The following ROBO2 variants were observed in gnomAD, a reference collection of about 807,000 sequenced individuals.
ROBO2 encodes the protein roundabout guidance receptor 2.
ROBO2 carries 53 observed loss-of-function variants against 160.8 expected under a neutral mutation model. The ratio of observed to expected loss-of-function variants is 0.33; its 90% CI spans 0.26 to 0.41. ROBO2 has a LOEUF of 0.41. Among genes scored for constraint, ROBO2 ranks in the 10% least tolerant of loss-of-function variants. The probability of loss-of-function intolerance (pLI) is 1.00; values close to 1 mark genes in which losing one functional copy is unlikely to be tolerated. For synonymous variants in ROBO2, 664 were observed against 611.7 expected, an observed-to-expected ratio of 1.09 and a Z score of -1.26; for missense variants, 1,577 against 1,722.4, an observed-to-expected ratio of 0.92 and a Z score of 1.49.
At chr3:77,108,576 A>G (rs1054045843) in intron 2 of ROBO2, among the ~76,000 whole-genome samples, 2 of 152,186 alleles carry the variant, frequency 1.3e-5, no homozygotes, top group African/African-American at 2.4e-5. Flanking sequence ...GCTGGGCTGC[A>G]TATGAGGAGT....
At chr3:77,563,591 A>C (rs1489496028) in intron 11 of ROBO2, among the ~76,000 whole-genome samples, 1 of 152,100 alleles carries the variant, frequency 6.6e-6, no homozygotes, top group African/African-American at 2.4e-5. Context: ...TCCATTCTTT[A>C]CCCAGACCAT....
chr3:76,037,685 C>T (rs1263711431), intron 2 of ROBO2, among the ~76,000 whole-genome samples: 1 of 151,922 alleles, frequency 6.6e-6, no homozygotes, highest in Non-Finnish European at 1.5e-5. Context: ...ATCTGTTCCC[C>T]TGCCCCCTTG....
chr3:76,533,247 G>A (rs921690818), intron 2 of ROBO2, among the ~76,000 whole-genome samples: 2 of 152,194 alleles, frequency 1.3e-5, no homozygotes, highest in East Asian at 1.9e-4. Flanking sequence ...TAAACACAAC[G>A]CCTGTCAGGC....
At chr3:76,189,711 A>T (rs1701921750) in intron 2 of ROBO2, among the ~76,000 whole-genome samples, 2 of 152,142 alleles carry the variant, frequency 1.3e-5, no homozygotes, top group South Asian at 2.1e-4. Flanking sequence ...AGTTATTTTC[A>T]TGAAGTCATT....
At chr3:76,716,944 G>A (rs1352053491) in intron 2 of ROBO2, among the ~76,000 whole-genome samples, 3 of 152,088 alleles carry the variant, frequency 2.0e-5, no homozygotes, top group South Asian at 2.1e-4. Flanking sequence ...AGTTTATTGC[G>A]AGGATGTTAG....
At chr3:76,524,488 AT>A (rs993349767) in intron 2 of ROBO2, among the ~76,000 whole-genome samples, 1 of 151,870 alleles carries the variant, frequency 6.6e-6, no homozygotes, top group African/African-American at 2.4e-5. Context: ...GAGGGCGACA[AT>A]TTTTAAGCAC....
chr3:76,458,325 T>G (rs183549471), intron 2 of ROBO2, among the ~76,000 whole-genome samples: 1 of 152,220 alleles, frequency 6.6e-6, no homozygotes, highest in Non-Finnish European at 1.5e-5. Flanking sequence ...ACGGGCAAAA[T>G]GCTGCCAGTC....
chr3:76,900,422 T>C (rs1194552921), intron 2 of ROBO2, among the ~76,000 whole-genome samples: 3 of 152,150 alleles, frequency 2.0e-5, no homozygotes, highest in Admixed American at 1.3e-4. Flanking sequence ...TCAGATGGTG[T>C]CATGATGTGA....
intron 2 of ROBO2, among the ~76,000 whole-genome samples, chr3:77,370,508 T>C (rs2071584782): frequency 6.6e-6 from 1 of 152,178 alleles, no homozygotes; most frequent in South Asian, 2.1e-4. Context: ...CCTTCTTCCC[T>C]GGGCTTGTGG....
At chr3:77,208,310 T>C (rs1225160055) in intron 2 of ROBO2, among the ~76,000 whole-genome samples, 1 of 152,212 alleles carries the variant, frequency 6.6e-6, no homozygotes, top group East Asian at 1.9e-4. Flanking sequence ...TATCTAGCAT[T>C]TGAGGAGAAT....
chr3:77,262,753 A>G (rs578199226), intron 2 of ROBO2, among the ~76,000 whole-genome samples: 121 of 152,296 alleles, frequency 7.9e-4, no homozygotes, highest in Non-Finnish European at 1.4e-3. Flanking sequence ...ATTTAGCATC[A>G]TAAATTGAAG....
chr3:76,995,295 C>A (rs546706253), intron 2 of ROBO2, among the ~76,000 whole-genome samples: 1 of 152,226 alleles, frequency 6.6e-6, no homozygotes, highest in Non-Finnish European at 1.5e-5. Flanking sequence ...TTTTTTATGG[C>A]TGCATAGTAT....
intron 2 of ROBO2, among the ~76,000 whole-genome samples, chr3:76,047,461 G>A (rs1046441057): frequency 3.9e-5 from 6 of 152,270 alleles, no homozygotes; most frequent in African/African-American, 1.4e-4. Context: ...ATTAATAGAT[G>A]TTAGTGATAC....
chr3:76,136,586 T>C (rs1207639890), intron 2 of ROBO2, among the ~76,000 whole-genome samples: 1 of 152,098 alleles, frequency 6.6e-6, no homozygotes, highest in Non-Finnish European at 1.5e-5. Flanking sequence ...GGTGCCTGTC[T>C]ATCTACATAC....
At chr3:76,550,727 G>T (rs1354144684) in intron 2 of ROBO2, among the ~76,000 whole-genome samples, 1 of 152,234 alleles carries the variant, frequency 6.6e-6, no homozygotes, top group Non-Finnish European at 1.5e-5. Flanking sequence ...GCTCACTCTG[G>T]TGTGGAGCAA....
chr3:77,168,556 G>A (rs13093488), intron 2 of ROBO2, among the ~76,000 whole-genome samples: 32,776 of 152,040 alleles, frequency 0.22, 4,401 homozygotes, highest in Non-Finnish European at 0.3. Flanking sequence ...TACTGTCATA[G>A]TTACATGTTT....
rs370911250 is a variant in ROBO2 at position 76,350,108 on chromosome 3, A to G, written c.109+412506A>G. Reference sequence around the variant, plus strand: ...AGAGAGTATTAAGGACTGTCTCCCAATAAAGCTTTGTACACCCCATTATCA... The same window carrying G: ...AGAGAGTATTAAGGACTGTCTCCCAGTAAAGCTTTGTACACCCCATTATCA... On this transcript the variant is annotated intron_variant, in intron 2 of 26. Transcript: ENST00000487694. Among the ~76,000 whole-genome samples the G allele has an allele frequency of 5.9e-4, 90 of 152,230 alleles. 2 individuals are homozygous for G. In the South Asian group the frequency reaches 0.016, roughly 27 times the overall value.
intron 2 of ROBO2, among the ~76,000 whole-genome samples, chr3:75,991,234 A>G (rs2107512196): frequency 6.6e-6 from 1 of 152,332 alleles, no homozygotes; most frequent in South Asian, 2.1e-4. Flanking sequence ...TACAGTGATT[A>G]TAATAAGGAA....
chr3:76,728,869 A>G lies in ROBO2; in HGVS notation c.110-369145A>G, dbSNP rs191392956. Reference sequence around the variant, plus strand: ...CCATTTTTGTTTTAGAAGTCATTTTAGTTTATAGAGTACCAGTAGTAAAAG... The same window carrying G: ...CCATTTTTGTTTTAGAAGTCATTTTGGTTTATAGAGTACCAGTAGTAAAAG... On this transcript the variant is annotated intron_variant, in intron 2 of 26. Transcript: ENST00000487694. 1.6e-3 allele frequency among the ~76,000 whole-genome samples: 249 copies of G among 152,154 alleles called. 2 individuals carry two copies. The highest frequency in any genetic ancestry group is 5.7e-4 in the Non-Finnish European group (39 of 67,996).
Sources: allele counts gnomAD v4.1 joint callset (sites outside exome capture counted in the v4.1 genomes callset), GRCh38; gene constraint gnomAD v4.1.1; transcripts MANE v1.5; gene names NCBI Gene and HGNC (gene_info 2026-07-23, HGNC 2026-07-21).